TTN: variants seen among roughly 807,000 people sequenced by gnomAD.
The protein encoded by TTN is titin.
Under a neutral mutation model 3,223.0 loss-of-function variants are expected in TTN, and 1,525 were observed. The observed-to-expected ratio is 0.47, with a 90% CI of 0.45 to 0.49. The LOEUF (loss-of-function observed/expected upper bound fraction) is 0.49, where lower values mean the gene tolerates loss of function less well. Ranked by LOEUF, TTN falls within the 20% of genes least tolerant of loss-of-function variation. The probability of loss-of-function intolerance (pLI) is 0.00; values close to 1 mark genes in which losing one functional copy is unlikely to be tolerated. For missense variants in TTN, 40,786 were observed against 43,424.0 expected, an observed-to-expected ratio of 0.94 and a Z score of 5.40; for synonymous variants, 14,094 against 15,161.0, an observed-to-expected ratio of 0.93 and a Z score of 5.17.
intron 273 of TTN, 31 bp downstream of exon 273, chr2:178,609,177 T>C: frequency 6.8e-7 from 1 of 1,464,096 alleles, no homozygotes; most frequent in South Asian, 1.5e-5. Context: ...AAAACCTTTT[T>C]CCATTGGAAA....
intron 40 of TTN, among the ~76,000 whole-genome samples, chr2:178,767,479 G>A (rs2090673570): frequency 6.6e-6 from 1 of 152,024 alleles, no homozygotes; most frequent in African/African-American, 2.4e-5. Flanking sequence ...TTCTTTTCTG[G>A]TTGGTGCTGC....
Position 178,730,761 on chromosome 2 carries a change from C to G in TTN, c.17772G>C (p.Lys5924Asn), listed in dbSNP as rs1336731959. Residue 5924 changes from lysine to asparagine, a missense_variant, in exon 61 of 363, where the codon AAG becomes AAC. By Grantham distance (94) the Lys-to-Asn change is moderately conservative (BLOSUM62 0). Transcript: ENST00000589042. ...DLIIPPSFTKKLKKMDSIKGS... is the reference protein window; with the variant it reads ...DLIIPPSFTKNLKKMDSIKGS... The stretch of plus-strand genomic sequence containing the variant: ...CTTTAATGCTGTCCATTTTCTTCAG[C>G]TTTTTGGTGAATGAAGGAGGTATGA... The G allele has an allele frequency of 1.9e-6, 3 of 1,605,450 alleles. No homozygotes were observed. The highest frequency in any genetic ancestry group is 2.6e-6 in the Non-Finnish European group (3 of 1,174,188).
At chr2:178,693,150 A>G (rs189669801) in intron 119 of TTN, among the ~76,000 whole-genome samples, 62 of 152,290 alleles carry the variant, frequency 4.1e-4, no homozygotes, top group Admixed American at 5.2e-4. Flanking sequence ...AAAGATGGAA[A>G]CAATCTCAGA....
Position 178,556,894 on chromosome 2 carries a change from G to T in TTN, c.88260C>A (p.Ser29420Arg), listed in dbSNP as rs1312502975. Residue 29420 changes from serine (S) to arginine (R), a missense_variant, in exon 330 of 363, where the codon AGC (serine) becomes AGA (arginine). By Grantham distance (110) the Ser-to-Arg change is moderately radical (BLOSUM62 -1). Transcript: ENST00000589042. Reference protein sequence around the residue: ...VFARNAVGSISNPSEVVGPIT... With the variant: ...VFARNAVGSIRNPSEVVGPIT... ...TGGGCCCTACAACCTCAGATGGATTGCTAATGGAACCAACAGCATTCCTAG... is the reference window on the plus strand; with the variant it reads ...TGGGCCCTACAACCTCAGATGGATTTCTAATGGAACCAACAGCATTCCTAG... 3 of 1,613,700 alleles carry T rather than the reference G, an allele frequency of 1.9e-6. No individual in the cohort carries two copies. The highest frequency in any genetic ancestry group is 2.5e-6 in the Non-Finnish European group (3 of 1,179,836).
chr2:178,744,266 A>T (rs2083032601), intron 47 of TTN: 1 of 646,780 alleles, frequency 1.5e-6, no homozygotes, highest in Non-Finnish European at 1.9e-6. Context: ...TCATTGTAAT[A>T]TTATTTCTCT....
chr2:178,753,396 T>A lies in TTN; in HGVS notation c.11255-216A>T, dbSNP rs76200690. ...GATTTAAAACATTTTTATTTTAGGT[T>A]CTTCATGAAATTTCCACTTTTAGTT... On this transcript the variant is annotated intron_variant, in intron 46 of 362. Transcript: ENST00000589042. The A allele has an allele frequency of 2.0e-4, 87 of 438,510 alleles. 1 individual carries two copies. In the East Asian group the frequency reaches 2.3e-3, roughly 12 times the overall value. 27.2% of individuals were successfully genotyped at this position (438,510 alleles called of 1,614,324 possible). A position where few individuals can be genotyped will look rare whatever the true frequency, so the allele number is the denominator to read the frequency against.
chr2:178,727,539 CAA>C, intron 68 of TTN, 44 bp downstream of exon 68: 3 of 1,523,756 alleles, frequency 2.0e-6, no homozygotes, highest in Non-Finnish European at 2.6e-6. Flanking sequence ...TACAGAGAAC[CAA>C]AGACACAGTC....
chr2:178,650,358 G>C (rs1418115834), intron 209 of TTN, 87 bp from the exon 210 acceptor site: 4 of 1,232,260 alleles, frequency 3.2e-6, no homozygotes, highest in Non-Finnish European at 4.5e-6. Context: ...TAGTAATCTT[G>C]ATTTCTTCCT....
chr2:178,604,401 T>C (rs540294304), intron 281 of TTN, 96 bp from the exon 282 acceptor site: 69 of 1,017,382 alleles, frequency 6.8e-5, no homozygotes, highest in Non-Finnish European at 6.6e-6. Context: ...GGGATGACTG[T>C]AAGAAGAAAT....
intron 339 of TTN, 36 bp downstream of exon 339, chr2:178,547,371 A>T (rs1412754917): frequency 6.3e-7 from 1 of 1,581,036 alleles, no homozygotes; most frequent in Non-Finnish European, 8.6e-7. Flanking sequence ...ACATTTAATA[A>T]TAGAGACTTT....
intron 151 of TTN, 69 bp downstream of exon 151, chr2:178,674,245 G>T: frequency 2.2e-6 from 2 of 899,182 alleles, no homozygotes; most frequent in East Asian, 2.7e-5. Context: ...GTGAATCTTA[G>T]ATTTAGCTAC....
Position 178,650,770 on chromosome 2 carries a change from C to A in TTN, c.39690G>T (p.Ala13230=). ...EKPAVPVPER[A]ESPPPEVYEE... Reference sequence around the variant, plus strand: ...GTGTACCTTCTGGGGGAGGAGACTCCGCTCTTTCTGGAACAGGAACAGCTG... The same window carrying A: ...GTGTACCTTCTGGGGGAGGAGACTCAGCTCTTTCTGGAACAGGAACAGCTG... The change falls in exon 209 of 363, where the codon GCG becomes GCT. Residue 13230 remains alanine (A), a synonymous_variant. Coordinates refer to ENST00000589042, the MANE Select transcript of TTN (RefSeq NM_001267550.2). 1 of 1,606,460 alleles carries A rather than the reference C, an allele frequency of 6.2e-7. No homozygotes were observed. Among genetic ancestry groups the A allele is most frequent in the Non-Finnish European group, 8.5e-7 (1 of 1,176,336 alleles).
At chr2:178,628,327 G>A (rs1468362086) in intron 240 of TTN, among the ~76,000 whole-genome samples, 1 of 151,944 alleles carries the variant, frequency 6.6e-6, no homozygotes, top group Non-Finnish European at 1.5e-5. Context: ...AGTCTTCAAA[G>A]TTTGATTTTT....
chr2:178,635,068 CATT>C, intron 228 of TTN, 94 bp downstream of exon 228: 1 of 1,532,242 alleles, frequency 6.5e-7, no homozygotes. Flanking sequence ...CCATTAACTC[CATT>C]ATTATTAAAG....
At chr2:178,772,948 T>A in intron 33 of TTN, 161 bp downstream of exon 33, 4 of 845,006 alleles carry the variant, frequency 4.7e-6, no homozygotes, top group Non-Finnish European at 7.3e-6. Flanking sequence ...ATTTGTAATT[T>A]AGGCTGGTGG....
In TTN at chr2:178,713,110, T is replaced by C; in HGVS notation, c.27024A>G (p.Glu9008=). 6.2e-7 allele frequency: 1 copy of C among 1,613,660 alleles called. No individual in the cohort carries two copies. Among genetic ancestry groups the C allele is most frequent in the Non-Finnish European group, 8.5e-7 (1 of 1,179,668 alleles). ...CIATNMAGSD[E]CSAPLTVREP... ...CTCTCACAGTCAAAGGAGCACTACA[T>C]TCATCAGAACCAGCCATATTAGTAG... The change falls in exon 93 of 363, where the codon GAA becomes GAG. Residue 9008 remains glutamate (E), a synonymous_variant. Transcript: ENST00000589042.
At position 178,572,931 on chromosome 2, in the gene TTN, CA is replaced by C. The variant is rs766241881; in HGVS notation, c.73200del (p.Tyr24400Ter). 1 of 1,613,322 alleles carries C rather than the reference CA, an allele frequency of 6.2e-7. No homozygotes were observed. On this transcript the variant is annotated frameshift_variant, in exon 326 of 363. Transcript: ENST00000589042. LOFTEE classifies it high-confidence loss of function. ...TCCCCAAGTCCTTCGGAATTCATGG[CA>C]TAGATGCGGATCTTATATTCCTGAT... is the stretch of plus-strand genomic sequence containing the variant. ...TENQEYKIRI[Y>X]AMNSEGLGEP...
Position 178,620,473 on chromosome 2 carries a change from T to C in TTN, c.46048A>G (p.Arg15350Gly). 5 of 1,612,436 alleles carry C rather than the reference T, an allele frequency of 3.1e-6. No homozygotes were observed. The highest frequency in any genetic ancestry group is 4.2e-6 in the Non-Finnish European group (5 of 1,178,974). Reference protein sequence around the residue: ...EVPFDNRVSYRVDKYKHMLTI... With the variant: ...EVPFDNRVSYGVDKYKHMLTI... The stretch of plus-strand genomic sequence containing the variant: ...AACATGTGCTTGTACTTATCAACTC[T>C]GTATGAGACACGGTTGTCAAAAGGC... Residue 15350 changes from arginine to glycine, a missense_variant, in exon 248 of 363, where the codon AGA becomes GGA. Coordinates refer to ENST00000589042, the MANE Select transcript of TTN (RefSeq NM_001267550.2).
chr2:178,598,608 T>C lies in TTN; in HGVS notation c.57009A>G (p.Ser19003=), dbSNP rs1359872486. 3.7e-6 allele frequency: 6 copies of C among 1,609,274 alleles called. No individual in the cohort carries two copies. In the South Asian group the frequency reaches 6.7e-5, roughly 18 times the overall value. The stretch of plus-strand genomic sequence containing the variant: ...GGGGAGACCACTCCAGATCTGCAGA[T>C]GATTTAGTCCAATCTGTCACTTTGG... ...PFPKVTDWTK[S]SADLEWSPPL... Residue 19003 remains serine (S), a synonymous_variant, in exon 292 of 363, where the codon TCA becomes TCG. Coordinates refer to ENST00000589042, the MANE Select transcript of TTN (RefSeq NM_001267550.2).
Sources: allele counts gnomAD v4.1 joint callset (sites outside exome capture counted in the v4.1 genomes callset), GRCh38; gene constraint gnomAD v4.1.1; transcripts MANE v1.5; gene names NCBI Gene and HGNC (gene_info 2026-07-23, HGNC 2026-07-21).